CD40: variants seen among roughly 807,000 people sequenced by gnomAD.
The protein encoded by CD40 is CD40 molecule.
A neutral mutation model predicts 38.5 loss-of-function variants in CD40; 19 were observed. The observed-to-expected ratio is 0.49, with a 90% CI of 0.34 to 0.72. The LOEUF is 0.72. CD40 is among the 30% of genes least tolerant of loss of function. The pLI is 0.01. For missense variants in CD40, 256 were observed against 344.1 expected, an observed-to-expected ratio of 0.74 and a Z score of 2.03; for synonymous variants, 130 against 128.7, an observed-to-expected ratio of 1.01 and a Z score of -0.07.
intron 5 of CD40, among the ~76,000 whole-genome samples, chr20:46,124,375 A>T (rs1034553274): frequency 2.0e-5 from 3 of 152,324 alleles, no homozygotes; most frequent in Admixed American, 2.0e-4. Flanking sequence ...ATGGGACAGA[A>T]GGCACAAAAG....
intron 2 of CD40, 27 bp downstream of exon 2, chr20:46,121,925 C>A: frequency 6.3e-7 from 1 of 1,576,820 alleles, no homozygotes; most frequent in Non-Finnish European, 8.7e-7. Context: ...CTAGCCCCAT[C>A]ATGGAGTCCC....
intron 1 of CD40, among the ~76,000 whole-genome samples, chr20:46,118,687 A>C (rs1600650967): frequency 6.6e-6 from 1 of 152,130 alleles, no homozygotes; most frequent in Admixed American, 6.5e-5. Flanking sequence ...CTGGCCACAC[A>C]GAGACTGGTA....
Position 46,122,890 on chromosome 20 carries a change from C to G in CD40, c.403+134C>G. 8.8e-7 allele frequency: 1 copy of G among 1,141,504 alleles called. No homozygotes were observed. Among genetic ancestry groups the G allele is most frequent in the Non-Finnish European group, 1.3e-6 (1 of 792,746 alleles). 70.7% of individuals were successfully genotyped at this position (1,141,504 alleles called of 1,614,324 possible). A position where few individuals can be genotyped will look rare whatever the true frequency, so the allele number is the denominator to read the frequency against. On this transcript the variant is annotated intron_variant, in intron 4 of 8. Transcript: ENST00000372285. This position sits in a 1 kb window ranked among gnomAD's most constrained non-coding sequence, Gnocchi z 5.0. ...GCTCCAACCTATGTCGGTATCCCCA[C>G]TGGAGTGAGCTGCAGACGGGACCTT...
intron 6 of CD40, 168 bp from the exon 7 acceptor site, chr20:46,127,970 C>T (rs1198862779): frequency 4.5e-6 from 6 of 1,322,914 alleles, no homozygotes; most frequent in Admixed American, 2.1e-5. Context: ...TGTTCTGGCT[C>T]CTTTAAAGAC....
Position 46,122,363 on chromosome 20 carries a change from G to T in CD40, c.256+5G>T. 1 of 1,614,192 alleles carries T rather than the reference G, an allele frequency of 6.2e-7. No individual in the cohort carries two copies. Among genetic ancestry groups the T allele is most frequent in the Non-Finnish European group, 8.5e-7 (1 of 1,180,044 alleles). ...AGCACAAATACTGCGACCCCAGTGC[G>T]TGCGCTGTTGGGAAAGGGACGCTTG... On this transcript the variant is annotated splice_donor_5th_base_variant and intron_variant, in intron 3 of 8. Coordinates refer to ENST00000372285, the MANE Select transcript of CD40 (RefSeq NM_001250.6). This position sits in a 1 kb window ranked among gnomAD's most constrained non-coding sequence, Gnocchi z 5.0.
intron 1 of CD40, among the ~76,000 whole-genome samples, chr20:46,121,400 G>A (rs931306094): frequency 6.6e-6 from 1 of 152,192 alleles, no homozygotes; most frequent in African/African-American, 2.4e-5. Context: ...GGAAGCAGAA[G>A]AATAGGAGGA....
chr20:46,128,082 G>C, intron 6 of CD40, 56 bp from the exon 7 acceptor site: 1 of 1,614,006 alleles, frequency 6.2e-7, no homozygotes, highest in Non-Finnish European at 8.5e-7. Context: ...ACAGCAGGTT[G>C]AGGGTAGGGA....
chr20:46,122,110 A>T lies in CD40; in HGVS notation c.131-123A>T. 1 of 1,312,144 alleles carries T rather than the reference A, an allele frequency of 7.6e-7. No homozygotes were observed. Among genetic ancestry groups the T allele is most frequent in the Non-Finnish European group, 1.1e-6 (1 of 911,606 alleles). 81.3% of individuals were successfully genotyped at this position (1,312,144 alleles called of 1,614,324 possible). ...GCTTCTCCATCTTCCTCGCCTGATT[A>T]TGAAGGATCCAAGACTTTCATCTTT... On this transcript the variant is annotated intron_variant, in intron 2 of 8. Transcript: ENST00000372285. The surrounding 1 kb of genome is among the most constrained non-coding windows in gnomAD (Gnocchi z 5.0).
Position 46,118,342 on chromosome 20 carries a change from C to A in CD40, c.-2C>A, listed in dbSNP as rs758449676. On this transcript the variant is annotated 5_prime_UTR_variant, in exon 1 of 9. Transcript: ENST00000372285. ...GGTCCTGCCGCCTGGTCTCACCTCGCTATGGTTCGTCTGCCTCTGCAGTGC... is the reference window on the plus strand; with the variant it reads ...GGTCCTGCCGCCTGGTCTCACCTCGATATGGTTCGTCTGCCTCTGCAGTGC... 17 of 1,613,776 alleles carry A rather than the reference C, an allele frequency of 1.1e-5. No individual in the cohort carries two copies. The highest frequency in any genetic ancestry group is 1.4e-5 in the Non-Finnish European group (17 of 1,179,982).
intron 4 of CD40, 56 bp from the exon 5 acceptor site, chr20:46,123,070 A>G: frequency 7.4e-7 from 1 of 1,355,646 alleles, no homozygotes; most frequent in South Asian, 1.2e-5. Context: ...CTGCCTTGTG[A>G]GCCGGACAGG....
At chr20:46,126,802 A>T in intron 6 of CD40, 101 bp downstream of exon 6, 1 of 1,596,488 alleles carries the variant, frequency 6.3e-7, no homozygotes. Flanking sequence ...AGGGGAGGGG[A>T]GGCAGTTTGG....
At chr20:46,125,316 A>G (rs1220126172) in intron 5 of CD40, among the ~76,000 whole-genome samples, 1 of 151,212 alleles carries the variant, frequency 6.6e-6, no homozygotes, top group Non-Finnish European at 1.5e-5. Flanking sequence ...GAGGCCGAGG[A>G]GGGCAGATCA....
At position 46,122,575 on chromosome 20, in the gene CD40, G is replaced by A; in HGVS notation, c.257-35G>A. ...GTGAGGCTCAGAGCATGGCCCAGCAGGGGGTTCCCATCCTTCCTGCCCTTC... is the reference window on the plus strand; with the variant it reads ...GTGAGGCTCAGAGCATGGCCCAGCAAGGGGTTCCCATCCTTCCTGCCCTTC... On this transcript the variant is annotated intron_variant, in intron 3 of 8. Transcript: ENST00000372285. This position sits in a 1 kb window ranked among gnomAD's most constrained non-coding sequence, Gnocchi z 5.0. 6.2e-7 allele frequency: 1 copy of A among 1,613,954 alleles called. No homozygotes were observed. Among genetic ancestry groups the A allele is most frequent in the African/African-American group, 1.3e-5 (1 of 75,030 alleles).
At position 46,122,360 on chromosome 20, in the gene CD40, T is replaced by C. The variant is rs774195387; in HGVS notation, c.256+2T>C. 2 of 1,614,186 alleles carry C rather than the reference T, an allele frequency of 1.2e-6. No homozygotes were observed. Among genetic ancestry groups the C allele is most frequent in the South Asian group, 1.1e-5 (1 of 91,078 alleles). ...ACCAGCACAAATACTGCGACCCCAG[T>C]GCGTGCGCTGTTGGGAAAGGGACGC... On this transcript the variant is annotated splice_donor_variant, in intron 3 of 8. Transcript: ENST00000372285. LOFTEE classifies it high-confidence loss of function. The surrounding 1 kb of genome is among the most constrained non-coding windows in gnomAD (Gnocchi z 5.0).
Position 46,128,712 on chromosome 20 carries a change from C to T in CD40, c.676-170C>T, listed in dbSNP as rs3765458. ...GGCTCCCACTCTGGAAGCTCTTCGTCGCCCTTGGTGTGGCCAGCAGGGGGC... is the reference window on the plus strand; with the variant it reads ...GGCTCCCACTCTGGAAGCTCTTCGTTGCCCTTGGTGTGGCCAGCAGGGGGC... On this transcript the variant is annotated intron_variant, in intron 8 of 8. Coordinates refer to ENST00000372285, the MANE Select transcript of CD40 (RefSeq NM_001250.6). 2.2e-3 allele frequency: 1,578 copies of T among 708,320 alleles called. 67 individuals are homozygous for T. The East Asian group carries it at 0.042, about 19-fold the overall frequency. The allele number at this position is 708,320 out of a possible 1,614,324, so 43.9% of individuals were successfully genotyped here. A position where few individuals can be genotyped will look rare whatever the true frequency, so the allele number is the denominator to read the frequency against.
At position 46,122,153 on chromosome 20, in the gene CD40, G is replaced by A; in HGVS notation, c.131-80G>A. 1 of 1,550,584 alleles carries A rather than the reference G, an allele frequency of 6.4e-7. No homozygotes were observed. The highest frequency in any genetic ancestry group is 8.9e-7 in the Non-Finnish European group (1 of 1,122,712). ...TCATCTTTGAATCCCCTACCCTAAA[G>A]CCTGGCCTGATCATTGTGTGGTTAG... On this transcript the variant is annotated intron_variant, in intron 2 of 8. Coordinates refer to ENST00000372285, the MANE Select transcript of CD40 (RefSeq NM_001250.6). This position sits in a 1 kb window ranked among gnomAD's most constrained non-coding sequence, Gnocchi z 5.0.
Position 46,126,655 on chromosome 20 carries a change from C to A in CD40, c.513C>A (p.Asp171Glu). The change falls in exon 6 of 9, where the codon GAC becomes GAA. Residue 171 changes from aspartate (D) to glutamate (E), a missense_variant. By Grantham distance (45) the Asp-to-Glu change is conservative. Coordinates refer to ENST00000372285, the MANE Select transcript of CD40 (RefSeq NM_001250.6). Reference protein sequence around the residue: ...CHPWTSCETKDLVVQQAGTNK... With the variant: ...CHPWTSCETKELVVQQAGTNK... ...CTGTGCATAGCTGTGAGACCAAAGA[C>A]CTGGTTGTGCAACAGGCAGGCACAA... 2 of 1,614,152 alleles carry A rather than the reference C, an allele frequency of 1.2e-6. No individual in the cohort carries two copies. The highest frequency in any genetic ancestry group is 2.2e-5 in the South Asian group (2 of 91,078).
intron 1 of CD40, among the ~76,000 whole-genome samples, chr20:46,118,964 C>T: frequency 6.6e-6 from 1 of 151,858 alleles, no homozygotes; most frequent in East Asian, 1.9e-4. Flanking sequence ...GAGGAATCCC[C>T]AGGGCTTTGC....
chr20:46,127,850 C>T, intron 6 of CD40: 1 of 479,046 alleles, frequency 2.1e-6, no homozygotes, highest in Non-Finnish European at 3.7e-6. Flanking sequence ...GGGGAGGCTG[C>T]CAACTGGAAC....
Sources: gnomAD v4.1 joint callset for allele counts (sites outside exome capture counted in the v4.1 genomes callset) on GRCh38, gnomAD v4.1.1 for gene constraint, Gnocchi (gnomAD v3.1) non-coding constraint, MANE v1.5 for transcripts, NCBI Gene and HGNC (gene_info 2026-07-23, HGNC 2026-07-21) for gene names.